Variants in FHIT observed in about 807,000 individuals in gnomAD.
The protein encoded by FHIT is fragile histidine triad diadenosine triphosphatase.
FHIT carries 19 observed loss-of-function variants against 17.9 expected under a neutral mutation model. The ratio of observed to expected loss-of-function variants is 1.06; its 90% CI spans 0.74 to 1.56. The LOEUF is 1.56. Ranked by LOEUF, FHIT falls within the 40% of genes most tolerant of loss-of-function variation. FHIT has a pLI of 0.00. For synonymous variants in FHIT, 81 were observed against 69.7 expected (o/e 1.16, Z -0.81); for missense variants, 248 against 189.2 (o/e 1.31, Z -1.82).
chr3:61,115,012 G>A (rs975095838), intron 2 of FHIT, among the ~76,000 whole-genome samples: 5 of 152,154 alleles, frequency 3.3e-5, no homozygotes, highest in Non-Finnish European at 7.4e-5. Flanking sequence ...ATTCAGTCCA[G>A]TAGACTAGTG....
intron 5 of FHIT, among the ~76,000 whole-genome samples, chr3:60,068,004 G>C (rs1340580840): frequency 6.6e-6 from 1 of 152,162 alleles, no homozygotes; most frequent in Non-Finnish European, 1.5e-5. Flanking sequence ...GGGAGGCCAA[G>C]GTGGGTGGAT....
intron 5 of FHIT, among the ~76,000 whole-genome samples, chr3:60,405,751 C>G (rs1449182439): frequency 1.3e-5 from 2 of 152,224 alleles, no homozygotes; most frequent in Non-Finnish European, 2.9e-5. Context: ...GAGGGTGCTA[C>G]AGGCATCTAC....
At chr3:60,707,141 G>A (rs768617521) in intron 4 of FHIT, among the ~76,000 whole-genome samples, 1 of 152,162 alleles carries the variant, frequency 6.6e-6, no homozygotes, top group Admixed American at 6.5e-5. Context: ...TAAGTGGCAG[G>A]GAATGGAATA....
chr3:60,471,172 G>C (rs2033071649), intron 5 of FHIT, among the ~76,000 whole-genome samples: 1 of 152,126 alleles, frequency 6.6e-6, no homozygotes. Flanking sequence ...TGTGAGCTGT[G>C]TTGCCTAGAG....
intron 4 of FHIT, among the ~76,000 whole-genome samples, chr3:60,694,752 A>G (rs1296410559): frequency 1.3e-5 from 2 of 152,200 alleles, no homozygotes; most frequent in Non-Finnish European, 2.9e-5. Context: ...GGATGACTTC[A>G]TGTCCTTTGT....
chr3:60,305,121 C>G (rs1013269224), intron 5 of FHIT, among the ~76,000 whole-genome samples: 1 of 151,544 alleles, frequency 6.6e-6, no homozygotes, highest in African/African-American at 2.4e-5. Flanking sequence ...ACAGAATATT[C>G]CTTTTTGTTC....
At chr3:60,859,329 TA>T (rs1280522393) in intron 3 of FHIT, among the ~76,000 whole-genome samples, 2 of 152,158 alleles carry the variant, frequency 1.3e-5, no homozygotes, top group African/African-American at 4.8e-5. Flanking sequence ...AAGAGCTTAA[TA>T]AATGTTAGAT....
intron 3 of FHIT, among the ~76,000 whole-genome samples, chr3:61,001,234 T>C (rs1466109940): frequency 1.3e-5 from 2 of 152,232 alleles, no homozygotes; most frequent in South Asian, 2.1e-4. Flanking sequence ...ACAGCTATTC[T>C]AGAAAATAGT....
chr3:60,028,501 G>C (rs1700849571), intron 5 of FHIT, among the ~76,000 whole-genome samples: 1 of 152,166 alleles, frequency 6.6e-6, no homozygotes, highest in Non-Finnish European at 1.5e-5. Context: ...TTCAGTCAGA[G>C]GCAGCCAGCA....
chr3:59,836,586 T>G (rs2605435), intron 8 of FHIT, among the ~76,000 whole-genome samples: 151,301 of 152,290 alleles, frequency 0.99, 75,175 homozygotes, highest in East Asian at 1. Context: ...AAATGGAACT[T>G]CAGAACCTTG....
At chr3:60,240,766 T>G (rs188708762) in intron 5 of FHIT, among the ~76,000 whole-genome samples, 1 of 152,120 alleles carries the variant, frequency 6.6e-6, no homozygotes, top group African/African-American at 2.4e-5. Context: ...AGCTGGCAGA[T>G]AGCAGGAAGT....
rs79836064 is a variant in FHIT, at chr3:61,240,237, G to C, written c.-213+11064C>G. 7.1e-4 allele frequency among the ~76,000 whole-genome samples: 108 copies of C among 152,288 alleles called. 1 individual carries two copies. In the East Asian group the frequency reaches 0.018, roughly 26 times the overall value. On this transcript the variant is annotated intron_variant, in intron 1 of 9. Coordinates refer to ENST00000492590, the MANE Select transcript of FHIT (RefSeq NM_002012.4). ...GCAAATGGGATTTCAAACTACAGTG[G>C]CTACCTGTTTTGCTGTATCCCTAGT...
chr3:60,325,292 T>G (rs938922928), intron 5 of FHIT, among the ~76,000 whole-genome samples: 1 of 152,196 alleles, frequency 6.6e-6, no homozygotes, highest in Non-Finnish European at 1.5e-5. Context: ...TTACCATTAT[T>G]AAGCCCCTTA....
At chr3:59,856,073 G>A (rs1018228242) in intron 8 of FHIT, among the ~76,000 whole-genome samples, 8 of 152,030 alleles carry the variant, frequency 5.3e-5, no homozygotes, top group Non-Finnish European at 1.2e-4. Context: ...GAGCCACCAC[G>A]CCCAGCCAAT....
chr3:60,363,288 T>C lies in FHIT; in HGVS notation c.103+173572A>G, dbSNP rs534682676. Among the ~76,000 whole-genome samples the C allele has an allele frequency of 4.6e-5, 7 of 152,300 alleles. No homozygotes were observed. The South Asian group carries it at 1.2e-3, about 27-fold the overall frequency. On this transcript the variant is annotated intron_variant, in intron 5 of 9. Coordinates refer to ENST00000492590, the MANE Select transcript of FHIT (RefSeq NM_002012.4). Reference sequence around the variant, plus strand: ...TCCAAGTGACGTGTGTGTGTGCCTATGAAGTTTTAAGGAAAAATTACCTAT... The same window carrying C: ...TCCAAGTGACGTGTGTGTGTGCCTACGAAGTTTTAAGGAAAAATTACCTAT...
At chr3:60,758,105 A>T (rs782698291) in intron 4 of FHIT, among the ~76,000 whole-genome samples, 1 of 152,170 alleles carries the variant, frequency 6.6e-6, no homozygotes, top group South Asian at 2.1e-4. Context: ...GTCACCTCCA[A>T]GCAGAGTTTC....
chr3:61,153,251 C>T (rs1002126222), intron 2 of FHIT, among the ~76,000 whole-genome samples: 2 of 151,816 alleles, frequency 1.3e-5, no homozygotes, highest in African/African-American at 4.8e-5. Context: ...ATCCAAGTTG[C>T]CATAAATTGA....
At chr3:60,917,586 T>C (rs1374648393) in intron 3 of FHIT, among the ~76,000 whole-genome samples, 3 of 152,206 alleles carry the variant, frequency 2.0e-5, no homozygotes, top group Non-Finnish European at 4.4e-5. Flanking sequence ...CATTCCCAAC[T>C]CAGACCCTCA....
chr3:59,804,428 G>A (rs1183173562), intron 8 of FHIT, among the ~76,000 whole-genome samples: 1 of 152,202 alleles, frequency 6.6e-6, no homozygotes, highest in Non-Finnish European at 1.5e-5. Flanking sequence ...TTGGCATCTT[G>A]AAGAACTGGA....
Sources: gnomAD v4.1 joint callset for allele counts (sites outside exome capture counted in the v4.1 genomes callset) on GRCh38, gnomAD v4.1.1 for gene constraint, MANE v1.5 for transcripts, NCBI Gene and HGNC (gene_info 2026-07-23, HGNC 2026-07-21) for gene names.